COMMD1: variants seen among roughly 807,000 people sequenced by gnomAD.
COMMD1 encodes COMM domain-containing protein 1.
COMMD1 carries 10 observed loss-of-function variants against 17.2 expected under a neutral mutation model. The observed-to-expected ratio is 0.58, with a 90% CI of 0.36 to 0.99. The LOEUF is 0.99. Ranked by LOEUF, COMMD1 falls within the 50% of genes least tolerant of loss-of-function variation. COMMD1 has a pLI of 0.01. For synonymous variants in COMMD1, 97 were observed against 91.6 expected, an observed-to-expected ratio of 1.06 and a Z score of -0.34; for missense variants, 270 against 231.8, an observed-to-expected ratio of 1.17 and a Z score of -1.07.
intron 2 of COMMD1, among the ~76,000 whole-genome samples, chr2:62,019,507 T>G (rs1352064755): frequency 6.6e-6 from 1 of 152,100 alleles, no homozygotes; most frequent in Non-Finnish European, 1.5e-5. Context: ...CATTAATCCA[T>G]TCATGAGAGT....
intron 1 of COMMD1, among the ~76,000 whole-genome samples, chr2:61,943,922 A>C (rs1299131922): frequency 1.3e-5 from 2 of 152,170 alleles, no homozygotes; most frequent in African/African-American, 4.8e-5. Context: ...TTTTCTCGAG[A>C]GTTCCCTGTA....
intron 1 of COMMD1, among the ~76,000 whole-genome samples, chr2:61,956,533 G>C (rs951505270): frequency 6.7e-6 from 1 of 149,988 alleles, no homozygotes; most frequent in Non-Finnish European, 1.5e-5. Flanking sequence ...CCTCAGCCTT[G>C]AGAGTAGCTG....
chr2:62,020,648 G>T (rs1296378442), intron 2 of COMMD1, among the ~76,000 whole-genome samples: 2 of 152,152 alleles, frequency 1.3e-5, no homozygotes, highest in Non-Finnish European at 2.9e-5. Flanking sequence ...TTTGAGATAA[G>T]CCATTCTCGT....
chr2:61,926,610 G>A (rs7570070), intron 1 of COMMD1, among the ~76,000 whole-genome samples: 2 of 152,042 alleles, frequency 1.3e-5, no homozygotes, highest in East Asian at 3.9e-4. Context: ...TCATTTCTTC[G>A]ACTCTCTTTT....
At position 61,905,705 on chromosome 2, in the gene COMMD1, C is replaced by T. The variant is rs142845673; in HGVS notation, c.27C>T (p.Gly9=). 70 of 1,589,796 alleles carry T rather than the reference C, an allele frequency of 4.4e-5. No individual in the cohort carries two copies. Among genetic ancestry groups the T allele is most frequent in the Admixed American group, 3.0e-4 (17 of 56,606 alleles). MAAGELEG[G]KPLSGLLNAL... The stretch of plus-strand genomic sequence containing the variant: ...TGGCGGCGGGCGAGCTTGAGGGTGG[C>T]AAACCCCTGAGCGGGCTGCTGAATG... Residue 9 remains glycine, a synonymous_variant, in exon 1 of 3, where the codon GGC becomes GGT. Coordinates refer to ENST00000311832, the MANE Select transcript of COMMD1 (RefSeq NM_152516.4).
chr2:62,057,653 C>T lies in COMMD1; in HGVS notation c.462+56671C>T, dbSNP rs796206196. Among the ~76,000 whole-genome samples the T allele has an allele frequency of 3.9e-5, 6 of 151,914 alleles. 1 individual carries two copies. Among genetic ancestry groups the T allele is most frequent in the African/African-American group, 1.4e-4 (6 of 41,470 alleles). On this transcript the variant is annotated intron_variant, in intron 2 of 2. Transcript: ENST00000311832. ...GTTGCCCAGGCTAGAGTGCAGTGGC[C>T]TCAACTCCTGGGTTTGAGCTATCCT...
chr2:61,960,942 G>A (rs1453517829), intron 1 of COMMD1, among the ~76,000 whole-genome samples: 4 of 152,100 alleles, frequency 2.6e-5, no homozygotes, highest in Admixed American at 2.6e-4. Flanking sequence ...CTTCTTTTTG[G>A]CGTTACTGAG....
intron 2 of COMMD1, among the ~76,000 whole-genome samples, chr2:62,060,315 AG>A (rs553129091): frequency 1.2e-4 from 19 of 152,310 alleles, no homozygotes; most frequent in African/African-American, 4.6e-4. Context: ...TGGGTGACAG[AG>A]TGAGATGCTG....
At chr2:61,985,453 T>G (rs1194313564) in intron 1 of COMMD1, among the ~76,000 whole-genome samples, 1 of 152,168 alleles carries the variant, frequency 6.6e-6, no homozygotes. Flanking sequence ...ATTGGAGAGT[T>G]TGGTTCATTT....
At chr2:62,057,999 A>G (rs971559744) in intron 2 of COMMD1, among the ~76,000 whole-genome samples, 1 of 152,102 alleles carries the variant, frequency 6.6e-6, no homozygotes, top group Non-Finnish European at 1.5e-5. Flanking sequence ...ATTACGTTAA[A>G]TTTCCAAATA....
intron 1 of COMMD1, among the ~76,000 whole-genome samples, chr2:61,975,506 G>T (rs1671777299): frequency 6.6e-6 from 1 of 152,070 alleles, no homozygotes; most frequent in South Asian, 2.1e-4. Context: ...GAGAGTTCCA[G>T]TTGTTCCACA....
At chr2:61,968,650 G>C (rs1363784882) in intron 1 of COMMD1, among the ~76,000 whole-genome samples, 1 of 152,084 alleles carries the variant, frequency 6.6e-6, no homozygotes, top group East Asian at 1.9e-4. Flanking sequence ...TTGGCCTTCT[G>C]GGCTCAAGTG....
intron 2 of COMMD1, among the ~76,000 whole-genome samples, chr2:62,114,438 G>C (rs1215844615): frequency 6.6e-6 from 1 of 152,176 alleles, no homozygotes; most frequent in Admixed American, 6.5e-5. Context: ...AGTATGAATG[G>C]CATCTTAACT....
chr2:62,061,065 T>G (rs1670842608), intron 2 of COMMD1, among the ~76,000 whole-genome samples: 1 of 152,208 alleles, frequency 6.6e-6, no homozygotes, highest in African/African-American at 2.4e-5. Context: ...TTGGTTAGTT[T>G]ATAGTTTATT....
chr2:61,980,728 T>C (rs1215193671), intron 1 of COMMD1, among the ~76,000 whole-genome samples: 1 of 150,986 alleles, frequency 6.6e-6, no homozygotes, highest in South Asian at 2.1e-4. Context: ...TAGTTTCTTT[T>C]GCTGTGCAGA....
rs970776079 is a variant in COMMD1, at chr2:61,985,301, T to C, written c.181-15400T>C. On this transcript the variant is annotated intron_variant, in intron 1 of 2. Transcript: ENST00000311832. Reference sequence around the variant, plus strand: ...TCCTGACCTGGTGATCCGCCCGCCTTGGCCTCCCAAAGTGCTGGGATTACA... The same window carrying C: ...TCCTGACCTGGTGATCCGCCCGCCTCGGCCTCCCAAAGTGCTGGGATTACA... Among the ~76,000 whole-genome samples the C allele has an allele frequency of 5.3e-5, 8 of 152,254 alleles. No individual in the cohort carries two copies. The South Asian group carries it at 1.2e-3, about 24-fold the overall frequency.
At position 61,934,804 on chromosome 2, in the gene COMMD1, G is replaced by T. The variant is rs1486331445; in HGVS notation, c.180+28946G>T. On this transcript the variant is annotated intron_variant, in intron 1 of 2. Coordinates refer to ENST00000311832, the MANE Select transcript of COMMD1 (RefSeq NM_152516.4). ...TTCTTTTCTTTTTTATTTAAATTGA[G>T]ACAGGGTCTTGCTATGTTGTCCAGG... Among the ~76,000 whole-genome samples the T allele has an allele frequency of 5.3e-5, 8 of 152,096 alleles. No homozygotes were observed. The South Asian group carries it at 1.4e-3, about 28-fold the overall frequency.
rs982187401 is a variant in COMMD1, at chr2:61,907,584, A to G, written c.180+1726A>G. Among the ~76,000 whole-genome samples the G allele has an allele frequency of 2.6e-5, 4 of 151,848 alleles. No individual in the cohort carries two copies. In the South Asian group the frequency reaches 8.4e-4, roughly 32 times the overall value. ...AGGTAATGCTTTAGAATCTCCAAAC[A>G]TTGGGGGCTACTTCTCCTCTCTAGG... is the stretch of plus-strand genomic sequence containing the variant. On this transcript the variant is annotated intron_variant, in intron 1 of 2. Coordinates refer to ENST00000311832, the MANE Select transcript of COMMD1 (RefSeq NM_152516.4).
chr2:62,047,488 C>G (rs561452427), intron 2 of COMMD1, among the ~76,000 whole-genome samples: 1 of 150,044 alleles, frequency 6.7e-6, no homozygotes. Flanking sequence ...TTTTTTGAGA[C>G]GGAGTCTTTA....
Sources: gnomAD v4.1 joint callset for allele counts (sites outside exome capture counted in the v4.1 genomes callset) on GRCh38, gnomAD v4.1.1 for gene constraint, MANE v1.5 for transcripts, NCBI Gene and HGNC (gene_info 2026-07-23, HGNC 2026-07-21) for gene names.